Variants in XKR9 observed in about 807,000 individuals in gnomAD.
XKR9 encodes the protein XK related 9.
Under a neutral mutation model 32.0 loss-of-function variants are expected in XKR9, and 32 were observed. The observed-to-expected ratio is 1.00, with a 90% confidence interval of 0.76 to 1.34. The LOEUF is 1.34. Among genes scored for constraint, XKR9 ranks in the 40% most tolerant of loss-of-function variants. The pLI, the probability that XKR9 is intolerant of heterozygous loss-of-function variation, is 0.00. For synonymous variants in XKR9, 168 were observed against 143.4 expected (o/e 1.17, Z -1.22); for missense variants, 546 against 429.7 (o/e 1.27, Z -2.39).
intron 2 of XKR9, among the ~76,000 whole-genome samples, chr8:70,770,688 C>T (rs892357567): frequency 6.6e-6 from 1 of 152,232 alleles, no homozygotes; most frequent in African/African-American, 2.4e-5. Context: ...CCAGCCTGAC[C>T]TTCCCAGTGG....
At chr8:70,883,520 T>C in the XKR9 span, among the ~76,000 whole-genome samples, 55 of 152,268 alleles carry the variant, frequency 3.6e-4, no homozygotes, top group African/African-American at 1.2e-3. Context: ...GATAGAATGG[T>C]AGATCTATTT....
chr8:70,691,113 G>A (rs369340391), intron 3 of XKR9, among the ~76,000 whole-genome samples: 3 of 152,228 alleles, frequency 2.0e-5, no homozygotes, highest in African/African-American at 7.2e-5. Context: ...TCTGACTGGC[G>A]TGAGATGGTA....
At chr8:70,827,400 T>C in the XKR9 span, among the ~76,000 whole-genome samples, 7 of 152,190 alleles carry the variant, frequency 4.6e-5, no homozygotes, top group Admixed American at 6.5e-5. Context: ...TTCCACCCTG[T>C]CCTCCTCTTG....
At chr8:70,679,661 A>G (rs145087465) in intron 2 of XKR9, among the ~76,000 whole-genome samples, 12 of 152,198 alleles carry the variant, frequency 7.9e-5, no homozygotes, top group Admixed American at 6.5e-5. Flanking sequence ...GCAGTCAAAC[A>G]TTTGTGTTTT....
At chr8:70,777,041 T>A (rs1807535634) in intron 2 of XKR9, among the ~76,000 whole-genome samples, 1 of 150,940 alleles carries the variant, frequency 6.6e-6, no homozygotes, top group Non-Finnish European at 1.5e-5. Flanking sequence ...ATGTGCCATG[T>A]TGGTTTGCTG....
chr8:70,857,432 T>C, the XKR9 span, among the ~76,000 whole-genome samples: 2 of 152,164 alleles, frequency 1.3e-5, no homozygotes, highest in Non-Finnish European at 2.9e-5. Context: ...AGGAAGAAGT[T>C]GAATCTGAAT....
the XKR9 span, among the ~76,000 whole-genome samples, chr8:71,005,516 A>G: frequency 0.43 from 64,571 of 151,896 alleles, 14,758 homozygotes; most frequent in Non-Finnish European, 0.52. Context: ...GAGCCACCAC[A>G]TCCTGTCCAG....
the XKR9 span, among the ~76,000 whole-genome samples, chr8:70,966,895 A>G: frequency 6.6e-6 from 1 of 151,282 alleles, no homozygotes; most frequent in Admixed American, 6.6e-5. Context: ...GTCTTTTTTG[A>G]TCTTTGTTGG....
intron 2 of XKR9, among the ~76,000 whole-genome samples, chr8:70,776,749 T>C (rs13254801): frequency 3.3e-5 from 5 of 151,338 alleles, no homozygotes; most frequent in Non-Finnish European, 5.9e-5. Context: ...CTCAGCATAA[T>C]TGTCACCTCG....
At chr8:70,686,894 A>G (rs1235095155) in intron 3 of XKR9, among the ~76,000 whole-genome samples, 2 of 152,162 alleles carry the variant, frequency 1.3e-5, no homozygotes, top group African/African-American at 4.8e-5. Flanking sequence ...TATATAATGT[A>G]TGATAATCAC....
the XKR9 span, among the ~76,000 whole-genome samples, chr8:71,064,333 A>G: frequency 1.3e-5 from 2 of 152,196 alleles, no homozygotes; most frequent in African/African-American, 4.8e-5. Context: ...AAAATTAATA[A>G]TACCAGTAAA....
intron 2 of XKR9, among the ~76,000 whole-genome samples, chr8:70,770,319 C>T (rs1807436745): frequency 6.6e-6 from 1 of 152,210 alleles, no homozygotes; most frequent in Non-Finnish European, 1.5e-5. Flanking sequence ...CTGGAATCTT[C>T]ATCCCAGAGG....
chr8:71,031,295 C>T, the XKR9 span, among the ~76,000 whole-genome samples: 3 of 151,892 alleles, frequency 2.0e-5, no homozygotes, highest in African/African-American at 2.4e-5. Flanking sequence ...ATAGAAAATC[C>T]ACCTACTCAA....
the XKR9 span, among the ~76,000 whole-genome samples, chr8:71,031,486 A>T: frequency 6.6e-6 from 1 of 152,202 alleles, no homozygotes; most frequent in African/African-American, 2.4e-5. Context: ...TAGTATTCTA[A>T]GGCCCAGTGT....
At chr8:71,019,231 G>C in the XKR9 span, among the ~76,000 whole-genome samples, 1 of 152,130 alleles carries the variant, frequency 6.6e-6, no homozygotes, top group African/African-American at 2.4e-5. Flanking sequence ...GGTTGGTTAA[G>C]AAACTTGAGG....
At chr8:70,728,466 A>G (rs553893032) in intron 4 of XKR9, among the ~76,000 whole-genome samples, 47 of 152,294 alleles carry the variant, frequency 3.1e-4, no homozygotes, top group African/African-American at 1.1e-3. Flanking sequence ...ATTGTCATTT[A>G]TAGTTTTAGT....
At chr8:70,996,485 CTAAGT>C in the XKR9 span, among the ~76,000 whole-genome samples, 1 of 152,202 alleles carries the variant, frequency 6.6e-6, no homozygotes, top group Non-Finnish European at 1.5e-5. Flanking sequence ...AGTTTGACAT[CTAAGT>C]TATTTTAATT....
the XKR9 span, among the ~76,000 whole-genome samples, chr8:70,943,650 A>G: frequency 6.6e-6 from 1 of 152,082 alleles, no homozygotes. Flanking sequence ...TCTCTTTCCC[A>G]TATGATTAAA....
At chr8:71,003,363 C>T in the XKR9 span, among the ~76,000 whole-genome samples, 1 of 152,178 alleles carries the variant, frequency 6.6e-6, no homozygotes, top group African/African-American at 2.4e-5. Context: ...AAATTGTAAC[C>T]TTGATACATG....
Sources: allele counts gnomAD v4.1 joint callset (sites outside exome capture counted in the v4.1 genomes callset), GRCh38; gene constraint gnomAD v4.1.1; transcripts MANE v1.5; gene names NCBI Gene and HGNC (gene_info 2026-07-23, HGNC 2026-07-21).